TRAF2: variants seen among roughly 807,000 people sequenced by gnomAD.
TRAF2 encodes the protein TNF receptor-associated factor 2.
In TRAF2, 6 loss-of-function variants were observed where a neutral mutation model predicts 55.6. That is an observed-to-expected ratio of 0.11 (90% CI 0.06 to 0.21). The LOEUF (loss-of-function observed/expected upper bound fraction) is 0.21. Among genes scored for constraint, TRAF2 ranks in the 10% least tolerant of loss-of-function variants. TRAF2 has a pLI of 1.00. For missense variants in TRAF2, 561 were observed against 684.5 expected (o/e 0.82, Z 2.01); for synonymous variants, 329 against 276.3 (o/e 1.19, Z -1.89).
At chr9:136,917,184 G>T (rs766410453) in intron 7 of TRAF2, among the ~76,000 whole-genome samples, 10 of 152,178 alleles carry the variant, frequency 6.6e-5, no homozygotes, top group Non-Finnish European at 1.0e-4. Context: ...TGGGACCCCC[G>T]TTCTTTTCCG....
chr9:136,909,817 C>T, intron 5 of TRAF2, 103 bp from the exon 6 acceptor site: 1 of 1,195,002 alleles, frequency 8.4e-7, no homozygotes, highest in Non-Finnish European at 1.2e-6. Context: ...ACCACGTGCT[C>T]CTGCGGCCCC....
intron 9 of TRAF2, among the ~76,000 whole-genome samples, chr9:136,923,636 CTT>C (rs1405530359): frequency 4.5e-4 from 52 of 114,320 alleles, no homozygotes; most frequent in African/African-American, 7.8e-4. Flanking sequence ...AAAAAAAAAA[CTT>C]TTTCTAAGTA....
intron 10 of TRAF2, among the ~76,000 whole-genome samples, chr9:136,925,207 A>AG (rs1484885972): frequency 1.3e-5 from 2 of 152,094 alleles, no homozygotes; most frequent in Non-Finnish European, 2.9e-5. Flanking sequence ...GGGGGTGTGG[A>AG]GGGCCCACAG....
chr9:136,915,324 A>G (rs1170357671), intron 6 of TRAF2, among the ~76,000 whole-genome samples: 2 of 152,146 alleles, frequency 1.3e-5, no homozygotes, highest in Non-Finnish European at 2.9e-5. Context: ...TTGCATTCCC[A>G]TAAGCATTGT....
intron 2 of TRAF2, 147 bp downstream of exon 2, chr9:136,899,075 C>A (rs900340719): frequency 1.3e-6 from 1 of 798,596 alleles, no homozygotes; most frequent in African/African-American, 1.7e-5. Flanking sequence ...CGGAGGTTTA[C>A]CACAAAGAAT....
At position 136,898,776 on chromosome 9, in the gene TRAF2, G is replaced by A. The variant is rs756555543; in HGVS notation, c.36G>A (p.Leu12=). 6 of 1,613,718 alleles carry A rather than the reference G, an allele frequency of 3.7e-6. No individual in the cohort carries two copies. The highest frequency in any genetic ancestry group is 5.1e-6 in the Non-Finnish European group (6 of 1,180,028). ...CTAGCGTGACCCCCCCTGGCTCCCT[G>A]GAGTTGCTACAGCCCGGCTTCTCCA... The part of the protein sequence containing the change: ...AAASVTPPGS[L]ELLQPGFSKT... The change falls in exon 2 of 11, where the codon CTG becomes CTA. Residue 12 remains leucine (L), a synonymous_variant. Transcript: ENST00000247668.
At chr9:136,918,214 TAG>T (rs1360826085) in intron 7 of TRAF2, among the ~76,000 whole-genome samples, 5 of 143,150 alleles carry the variant, frequency 3.5e-5, no homozygotes, top group East Asian at 2.0e-4. Context: ...GTAATTTTTT[TAG>T]AGTGTTTTGT....
chr9:136,917,737 C>T (rs1176786767), intron 7 of TRAF2, among the ~76,000 whole-genome samples: 1 of 152,162 alleles, frequency 6.6e-6, no homozygotes, highest in Admixed American at 6.5e-5. Flanking sequence ...TGAAAAGGAG[C>T]GTGGCTGCTT....
rs1371079142 is a variant in TRAF2, at chr9:136,910,126, CGTT to C, written c.603+134_603+136del. On this transcript the variant is annotated intron_variant, in intron 6 of 10. Coordinates refer to ENST00000247668, the MANE Select transcript of TRAF2 (RefSeq NM_021138.4). ...GAACAGCAGTGCAAAGCCCCTGTAA[CGTT>C]GGGTCATGGATGCGTTCAGGGTGGC... 7 of 1,014,992 alleles carry C rather than the reference CGTT, an allele frequency of 6.9e-6. No homozygotes were observed. In the East Asian group the frequency reaches 1.6e-4, roughly 23 times the overall value. 62.9% of individuals were successfully genotyped at this position (1,014,992 alleles called of 1,614,324 possible).
At chr9:136,918,255 ATATT>A (rs1312840077) in intron 7 of TRAF2, among the ~76,000 whole-genome samples, 1 of 23,346 alleles carries the variant, frequency 4.3e-5, no homozygotes, top group Non-Finnish European at 8.5e-5. Context: ...ATATATATAT[ATATT>A]TATTTAATTA....
chr9:136,886,593 G>T (rs1033326060), intron 1 of TRAF2, 52 bp downstream of exon 1: 17 of 979,958 alleles, frequency 1.7e-5, no homozygotes, highest in Non-Finnish European at 2.1e-5. Context: ...GCGGGGTCGG[G>T]TGCGGGGTCG....
At chr9:136,921,937 G>A (rs1317641244) in intron 9 of TRAF2, among the ~76,000 whole-genome samples, 2 of 152,204 alleles carry the variant, frequency 1.3e-5, no homozygotes, top group Non-Finnish European at 2.9e-5. Context: ...CCCTTCTTGG[G>A]CTTTGTTGCC....
intron 6 of TRAF2, among the ~76,000 whole-genome samples, chr9:136,910,709 C>T (rs1045816786): frequency 1.3e-5 from 2 of 152,202 alleles, no homozygotes; most frequent in African/African-American, 4.8e-5. Context: ...GTCAGGCTGG[C>T]CAGGCCTGCC....
rs1850351825 is a variant in TRAF2, at chr9:136,920,248, A to G, written c.693A>G (p.Lys231=). 11 of 1,610,382 alleles carry G rather than the reference A, an allele frequency of 6.8e-6. No individual in the cohort carries two copies. The highest frequency in any genetic ancestry group is 9.3e-6 in the Non-Finnish European group (11 of 1,178,232). Residue 231 remains lysine, a synonymous_variant, in exon 8 of 11, where the codon AAA becomes AAG. Coordinates refer to ENST00000247668, the MANE Select transcript of TRAF2 (RefSeq NM_021138.4). ...TGTGTCCGCAGGTAGAGGGTGAGAAACAGCAGGAGCACGAGGTGCAGTGGC... is the reference window on the plus strand; with the variant it reads ...TGTGTCCGCAGGTAGAGGGTGAGAAGCAGCAGGAGCACGAGGTGCAGTGGC... ...IGCLETVEGE[K]QQEHEVQWLR... is the part of the protein sequence containing the mutation.
chr9:136,917,335 CCACTTGTGCCCACCCCAGG>C, intron 7 of TRAF2, among the ~76,000 whole-genome samples: 1 of 152,368 alleles, frequency 6.6e-6, no homozygotes. Flanking sequence ...TTGGGCATGC[CCACTTGTGCCCACCCCAGG>C]CACTTGGGCA....
intron 4 of TRAF2, among the ~76,000 whole-genome samples, chr9:136,903,674 TTTTG>T (rs1239568605): frequency 3.2e-4 from 49 of 151,628 alleles, no homozygotes; most frequent in Admixed American, 1.6e-3. Context: ...GAAAGGTTTT[TTTTG>T]TTTGTTTGTT....
At chr9:136,909,873 C>T (rs376117266) in intron 5 of TRAF2, 47 bp from the exon 6 acceptor site, 413 of 1,604,142 alleles carry the variant, frequency 2.6e-4, no homozygotes, top group Middle Eastern at 2.0e-3. Context: ...TCCACCCGCG[C>T]CTGGCATTGG....
Position 136,925,730 on chromosome 9 carries a change from C to A in TRAF2, c.1335C>A (p.Asp445Glu), listed in dbSNP as rs763371819. ...AGAATAACCGGGAGCACGTGATTGA[C>A]GCCTTCAGGCCCGACGTGACTTCAT... ...LDQNNREHVIDAFRPDVTSSS... is the reference protein window; with the variant it reads ...LDQNNREHVIEAFRPDVTSSS... Residue 445 changes from aspartate to glutamate, a missense_variant, in exon 11 of 11, where the codon GAC (aspartate) becomes GAA (glutamate). By Grantham distance (45) the Asp-to-Glu change is conservative. Coordinates refer to ENST00000247668, the MANE Select transcript of TRAF2 (RefSeq NM_021138.4). 1.2e-6 allele frequency: 2 copies of A among 1,614,230 alleles called. No homozygotes were observed. The highest frequency in any genetic ancestry group is 1.7e-5 in the Admixed American group (1 of 60,036).
At chr9:136,899,969 C>T (rs892574208) in intron 3 of TRAF2, among the ~76,000 whole-genome samples, 3 of 152,084 alleles carry the variant, frequency 2.0e-5, no homozygotes, top group South Asian at 2.1e-4. Flanking sequence ...AGTTCGAGAC[C>T]AGCCTGGCGC....
Sources: allele counts gnomAD v4.1 joint callset (sites outside exome capture counted in the v4.1 genomes callset), GRCh38; gene constraint gnomAD v4.1.1; transcripts MANE v1.5; gene names NCBI Gene and HGNC (gene_info 2026-07-23, HGNC 2026-07-21).